EYS: variants seen among roughly 807,000 people sequenced by gnomAD.
The protein encoded by EYS is EGF-like photoreceptor maintenance factor, also known as protein eyes shut homolog.
A neutral mutation model predicts 282.1 loss-of-function variants in EYS; 250 were observed. The ratio of observed to expected loss-of-function variants is 0.89; its 90% CI spans 0.80 to 0.98. The LOEUF is 0.98. Ranked by LOEUF, EYS falls within the 50% of genes least tolerant of loss-of-function variation. The pLI is 0.00. For synonymous variants in EYS, 1,355 were observed against 1,282.9 expected (o/e 1.06, Z -1.20); for missense variants, 4,016 against 3,709.0 (o/e 1.08, Z -2.15).
intron 26 of EYS, among the ~76,000 whole-genome samples, chr6:64,530,159 G>C (rs1381403476): frequency 1.3e-5 from 2 of 152,034 alleles, no homozygotes; most frequent in Non-Finnish European, 2.9e-5. Context: ...GGCTGCTTCA[G>C]TATAATTATC....
intron 31 of EYS, among the ~76,000 whole-genome samples, chr6:64,178,315 C>A (rs925001226): frequency 4.2e-4 from 64 of 152,032 alleles, no homozygotes; most frequent in African/African-American, 1.5e-3. Flanking sequence ...TGGAGCTAAT[C>A]ATCTTTGAAT....
chr6:64,338,203 G>A (rs1227657839), intron 29 of EYS, among the ~76,000 whole-genome samples: 2 of 151,920 alleles, frequency 1.3e-5, no homozygotes, highest in African/African-American at 2.4e-5. Flanking sequence ...ACTGTTTGCT[G>A]ACAATATGAT....
rs571407985 is a variant in EYS, at chr6:64,793,599, G to GT, written c.3443+19778dup. On this transcript the variant is annotated intron_variant, in intron 22 of 42. Coordinates refer to ENST00000503581, the MANE Select transcript of EYS (RefSeq NM_001142800.2). The stretch of plus-strand genomic sequence containing the variant: ...TAGACCTGATCAAAATACAGTAAAT[G>GT]TTGTAGCTACCTTTTTTTATTTACG... Among the ~76,000 whole-genome samples, 402 of 152,264 alleles carry GT rather than the reference G, an allele frequency of 2.6e-3. 2 individuals are homozygous for GT. The highest frequency in any genetic ancestry group is 8.1e-3 in the African/African-American group (336 of 41,558).
At chr6:64,307,853 A>T (rs532940734) in intron 29 of EYS, among the ~76,000 whole-genome samples, 15 of 152,032 alleles carry the variant, frequency 9.9e-5, no homozygotes, top group Non-Finnish European at 1.9e-4. Flanking sequence ...CATACCTTAA[A>T]TATATACAAT....
At chr6:64,121,214 A>G (rs924684240) in intron 31 of EYS, among the ~76,000 whole-genome samples, 5 of 152,200 alleles carry the variant, frequency 3.3e-5, no homozygotes, top group African/African-American at 9.7e-5. Flanking sequence ...TGAGCAGGCC[A>G]TGATCTTTTG....
intron 1 of EYS, among the ~76,000 whole-genome samples, chr6:65,664,019 G>A (rs1768114178): frequency 1.3e-5 from 2 of 151,500 alleles, no homozygotes; most frequent in Admixed American, 6.6e-5. Context: ...CTACAGGTGC[G>A]GCCACCACGC....
chr6:64,950,266 A>G (rs1025498410), intron 14 of EYS, among the ~76,000 whole-genome samples: 1 of 152,026 alleles, frequency 6.6e-6, no homozygotes, highest in Non-Finnish European at 1.5e-5. Flanking sequence ...GAGATTTGCT[A>G]ACATAGACTC....
At chr6:63,958,117 G>T (rs1765900411) in intron 35 of EYS, among the ~76,000 whole-genome samples, 1 of 140,466 alleles carries the variant, frequency 7.1e-6, no homozygotes, top group African/African-American at 2.4e-5. Flanking sequence ...CTAATGTGGG[G>T]AGTCAAATCT....
At chr6:64,458,082 G>A (rs1177093814) in intron 26 of EYS, among the ~76,000 whole-genome samples, 1 of 151,724 alleles carries the variant, frequency 6.6e-6, no homozygotes, top group African/African-American at 2.4e-5. Context: ...CTCCATTTAC[G>A]GCCCACATTG....
intron 10 of EYS, 105 bp from the exon 11 acceptor site, chr6:65,335,251 A>T: frequency 2.4e-6 from 2 of 834,098 alleles, no homozygotes; most frequent in Non-Finnish European, 4.0e-6. Context: ...GTCTACTAAG[A>T]TGAAACCTAG....
intron 12 of EYS, among the ~76,000 whole-genome samples, chr6:65,218,952 T>C (rs1766388825): frequency 6.6e-6 from 1 of 151,992 alleles, no homozygotes; most frequent in East Asian, 1.9e-4. Context: ...AAGATAACTT[T>C]TTTTTCCAAA....
chr6:65,460,464 A>G (rs954573008), intron 5 of EYS, among the ~76,000 whole-genome samples: 4 of 152,076 alleles, frequency 2.6e-5, no homozygotes, highest in Non-Finnish European at 4.4e-5. Context: ...AGAACTCTCC[A>G]TAGTTGTGAA....
chr6:64,504,191 T>C (rs969536207), intron 26 of EYS, among the ~76,000 whole-genome samples: 3 of 152,182 alleles, frequency 2.0e-5, no homozygotes, highest in Non-Finnish European at 4.4e-5. Flanking sequence ...TATAGCTGAT[T>C]AGATCTCTGA....
At chr6:65,267,112 G>A (rs1270567554) in intron 12 of EYS, among the ~76,000 whole-genome samples, 2 of 151,248 alleles carry the variant, frequency 1.3e-5, no homozygotes, top group Non-Finnish European at 3.0e-5. Flanking sequence ...CAAGTACCTC[G>A]GCTTTTCAGA....
At chr6:64,062,725 T>C (rs929836854) in intron 33 of EYS, among the ~76,000 whole-genome samples, 3 of 151,400 alleles carry the variant, frequency 2.0e-5, no homozygotes, top group African/African-American at 7.3e-5. Context: ...AAGAAACTTA[T>C]GTTCTCCCTT....
chr6:63,944,353 A>G (rs1765330108), intron 35 of EYS, among the ~76,000 whole-genome samples: 1 of 152,212 alleles, frequency 6.6e-6, no homozygotes, highest in Admixed American at 6.5e-5. Flanking sequence ...TATCTCAAAC[A>G]TAGAGACTGT....
chr6:64,610,221 T>A (rs1562090551), intron 24 of EYS, among the ~76,000 whole-genome samples: 1 of 152,056 alleles, frequency 6.6e-6, no homozygotes, highest in Non-Finnish European at 1.5e-5. Context: ...TTTGAGTCAA[T>A]ATATGACATT....
intron 33 of EYS, among the ~76,000 whole-genome samples, chr6:64,022,224 G>A (rs1215911446): frequency 2.6e-5 from 4 of 152,078 alleles, no homozygotes; most frequent in African/African-American, 7.2e-5. Flanking sequence ...CATATATAAA[G>A]GAGTTTGGAT....
At chr6:64,032,777 A>G (rs1254712053) in intron 33 of EYS, among the ~76,000 whole-genome samples, 1 of 152,260 alleles carries the variant, frequency 6.6e-6, no homozygotes, top group East Asian at 1.9e-4. Context: ...GAATAGCCAA[A>G]TAGAAGAGAG....
Sources: allele counts gnomAD v4.1 joint callset (sites outside exome capture counted in the v4.1 genomes callset), GRCh38; gene constraint gnomAD v4.1.1; transcripts MANE v1.5; gene names NCBI Gene and HGNC (gene_info 2026-07-23, HGNC 2026-07-21).